PRKG1: variants seen among roughly 807,000 people sequenced by gnomAD.
PRKG1 encodes protein kinase cGMP-dependent 1, also known as cGMP-dependent protein kinase 1.
Under a neutral mutation model 88.1 loss-of-function variants are expected in PRKG1, and 35 were observed. The ratio of observed to expected loss-of-function variants is 0.40; its 90% confidence interval spans 0.30 to 0.53. PRKG1 has a LOEUF of 0.53. Among genes scored for constraint, PRKG1 ranks in the 20% least tolerant of loss-of-function variants. The pLI is 0.59. For synonymous variants in PRKG1, 303 were observed against 292.5 expected (o/e 1.04, Z -0.37); for missense variants, 540 against 839.8 (o/e 0.64, Z 4.41).
intron 7 of PRKG1, among the ~76,000 whole-genome samples, chr10:52,088,936 A>G (rs906608669): frequency 6.6e-6 from 1 of 152,214 alleles, no homozygotes; most frequent in Non-Finnish European, 1.5e-5. Context: ...ATCATATTAC[A>G]TAAACAAAGG....
intron 2 of PRKG1, among the ~76,000 whole-genome samples, chr10:51,367,021 G>T (rs1228198053): frequency 1.3e-5 from 2 of 151,832 alleles, no homozygotes; most frequent in Non-Finnish European, 2.9e-5. Flanking sequence ...ATTGGATGGG[G>T]AATTTTAAAT....
chr10:51,767,821 G>A (rs1380221468), intron 3 of PRKG1, among the ~76,000 whole-genome samples: 1 of 152,090 alleles, frequency 6.6e-6, no homozygotes, highest in African/African-American at 2.4e-5. Context: ...GGTGGCAGCA[G>A]TGGTATGTTT....
At chr10:52,080,252 A>G (rs1846737577) in intron 7 of PRKG1, among the ~76,000 whole-genome samples, 1 of 152,100 alleles carries the variant, frequency 6.6e-6, no homozygotes, top group South Asian at 2.1e-4. Flanking sequence ...TCCACTTATA[A>G]GGTCCTGCTC....
intron 4 of PRKG1, among the ~76,000 whole-genome samples, chr10:51,839,004 C>G (rs1406981171): frequency 6.6e-6 from 1 of 152,086 alleles, no homozygotes; most frequent in Non-Finnish European, 1.5e-5. Flanking sequence ...AAGAAACTGA[C>G]TGTAATAAGA....
At chr10:51,241,638 G>A (rs546797689) in intron 2 of PRKG1, among the ~76,000 whole-genome samples, 3 of 152,160 alleles carry the variant, frequency 2.0e-5, no homozygotes, top group African/African-American at 7.2e-5. Context: ...GACAGCATAT[G>A]TCACAATTCA....
intron 5 of PRKG1, among the ~76,000 whole-genome samples, chr10:52,004,052 G>A (rs115463398): frequency 9.2e-5 from 14 of 152,248 alleles, no homozygotes; most frequent in African/African-American, 3.1e-4. Context: ...CTTTTTGCAC[G>A]TAATAAGCAT....
intron 1 of PRKG1, among the ~76,000 whole-genome samples, chr10:51,129,607 C>G (rs1845514660): frequency 1.3e-5 from 2 of 152,168 alleles, no homozygotes; most frequent in African/African-American, 2.4e-5. Flanking sequence ...TTAGACACAT[C>G]CCCAAGGAAA....
At chr10:51,717,474 A>T (rs573531086) in intron 3 of PRKG1, among the ~76,000 whole-genome samples, 1 of 152,296 alleles carries the variant, frequency 6.6e-6, no homozygotes, top group South Asian at 2.1e-4. Context: ...AACTCCAGGC[A>T]CATCCCTAGA....
rs143244445 is a variant in PRKG1 at position 51,545,817 on chromosome 10, A to C, written c.592+77981A>C. 3.5e-3 allele frequency among the ~76,000 whole-genome samples: 540 copies of C among 152,144 alleles called. 6 individuals are homozygous for C. The highest frequency in any genetic ancestry group is 0.012 in the African/African-American group (508 of 41,528). ...AAATCAATGGATAGTTACAAGAAAGAATGACTTCATAATGATTTTTGACCT... is the reference window on the plus strand; with the variant it reads ...AAATCAATGGATAGTTACAAGAAAGCATGACTTCATAATGATTTTTGACCT... On this transcript the variant is annotated intron_variant, in intron 3 of 17. Coordinates refer to ENST00000373980, the MANE Select transcript of PRKG1 (RefSeq NM_006258.4).
At position 51,356,076 on chromosome 10, in the gene PRKG1, C is replaced by T. The variant is rs112203247; in HGVS notation, c.479-111647C>T. 7.0e-3 allele frequency among the ~76,000 whole-genome samples: 1,060 copies of T among 152,044 alleles called. 19 individuals carry two copies. The highest frequency in any genetic ancestry group is 0.025 in the African/African-American group (1,025 of 41,522). Reference sequence around the variant, plus strand: ...ATTTTTCCTCCCATCATAGAATTCACCTTATTAGGCAAAAGCTGCATGGTG... The same window carrying T: ...ATTTTTCCTCCCATCATAGAATTCATCTTATTAGGCAAAAGCTGCATGGTG... On this transcript the variant is annotated intron_variant, in intron 2 of 17. Transcript: ENST00000373980.
intron 3 of PRKG1, among the ~76,000 whole-genome samples, chr10:51,745,050 GTA>G (rs1453417654): frequency 6.6e-6 from 1 of 152,024 alleles, no homozygotes; most frequent in Non-Finnish European, 1.5e-5. Context: ...TACAATAATT[GTA>G]TGTTTAATGA....
intron 8 of PRKG1, among the ~76,000 whole-genome samples, chr10:52,158,154 T>C (rs1838176873): frequency 6.6e-6 from 1 of 151,688 alleles, no homozygotes; most frequent in South Asian, 2.1e-4. Flanking sequence ...ATGTAACGTG[T>C]GTATGAATTG....
rs111373816 is a variant in PRKG1 at position 51,718,837 on chromosome 10, CA to C, written c.593-85734del. 8.7e-3 allele frequency among the ~76,000 whole-genome samples: 1,191 copies of C among 136,518 alleles called. 9 individuals are homozygous for C. The highest frequency in any genetic ancestry group is 0.022 in the African/African-American group (832 of 38,040). The allele number at this position is 136,518 out of a possible 152,430, so 89.6% of individuals were successfully genotyped here. The stretch of plus-strand genomic sequence containing the variant: ...GTGGAGTAAGGATAGTTAATGAGTG[CA>C]AAAAAAAAAAAAAGTTAGAATTCCT... On this transcript the variant is annotated intron_variant, in intron 3 of 17. Transcript: ENST00000373980.
chr10:52,050,864 TAAG>T (rs1255553518), intron 5 of PRKG1, among the ~76,000 whole-genome samples: 2 of 152,160 alleles, frequency 1.3e-5, no homozygotes. Flanking sequence ...ATGAAGAGAT[TAAG>T]AATATAAAAA....
intron 1 of PRKG1, among the ~76,000 whole-genome samples, chr10:51,002,171 A>G (rs1014447782): frequency 1.4e-4 from 22 of 151,930 alleles, no homozygotes; most frequent in African/African-American, 5.3e-4. Flanking sequence ...ATGGAAAATT[A>G]ATAGTAGTAA....
chr10:51,788,493 T>C (rs1838786350), intron 3 of PRKG1, among the ~76,000 whole-genome samples: 1 of 152,168 alleles, frequency 6.6e-6, no homozygotes, highest in Non-Finnish European at 1.5e-5. Context: ...GGTGATTTTT[T>C]TCCCAGAATT....
chr10:51,543,909 G>T (rs1254731595), intron 3 of PRKG1, among the ~76,000 whole-genome samples: 1 of 152,120 alleles, frequency 6.6e-6, no homozygotes, highest in East Asian at 1.9e-4. Context: ...TATATAATTT[G>T]TAAGTATGGA....
At chr10:51,283,758 T>C (rs1458100071) in intron 2 of PRKG1, among the ~76,000 whole-genome samples, 2 of 152,130 alleles carry the variant, frequency 1.3e-5, no homozygotes, top group Admixed American at 6.5e-5. Flanking sequence ...ACTTTAAAAT[T>C]GTGTTATAGC....
At chr10:51,613,369 G>A (rs530648973) in intron 3 of PRKG1, among the ~76,000 whole-genome samples, 6 of 151,642 alleles carry the variant, frequency 4.0e-5, no homozygotes, top group Non-Finnish European at 5.9e-5. Flanking sequence ...TGCAATGTCT[G>A]CTTTTTCATT....
Sources: allele counts gnomAD v4.1 joint callset (sites outside exome capture counted in the v4.1 genomes callset), GRCh38; gene constraint gnomAD v4.1.1; transcripts MANE v1.5; gene names NCBI Gene and HGNC (gene_info 2026-07-23, HGNC 2026-07-21).